Variants in AKAP19 observed in about 807,000 individuals in gnomAD.
AKAP19 encodes the protein A-kinase anchoring protein 19, also known as small A-kinase anchoring protein.
the AKAP19 span, among the ~76,000 whole-genome samples, chr2:190,183,223 G>T: frequency 6.6e-6 from 1 of 152,138 alleles, no homozygotes; most frequent in Non-Finnish European, 1.5e-5. Flanking sequence ...TTTCAGGGTG[G>T]TTGTTAAAAT....
the AKAP19 span, among the ~76,000 whole-genome samples, chr2:190,070,523 T>C: frequency 0.024 from 3,662 of 151,872 alleles, 160 homozygotes; most frequent in East Asian, 0.18. Context: ...AAGAACTACA[T>C]TACTTCTGCT....
the AKAP19 span, chr2:190,056,092 G>T: frequency 1.3e-5 from 2 of 152,384 alleles, no homozygotes; most frequent in African/African-American, 4.8e-5. Context: ...AATATAAAAT[G>T]ATTGTAATAT....
the AKAP19 span, among the ~76,000 whole-genome samples, chr2:189,981,674 G>A: frequency 6.6e-6 from 1 of 152,090 alleles, no homozygotes; most frequent in Non-Finnish European, 1.5e-5. Flanking sequence ...ACTATTTTTA[G>A]CATTTCTTGT....
chr2:190,002,708 T>G, the AKAP19 span, among the ~76,000 whole-genome samples: 1 of 152,188 alleles, frequency 6.6e-6, no homozygotes, highest in African/African-American at 2.4e-5. Flanking sequence ...CATGAATACC[T>G]AATGTTTACT....
At chr2:190,158,246 T>C in the AKAP19 span, among the ~76,000 whole-genome samples, 8 of 152,212 alleles carry the variant, frequency 5.3e-5, no homozygotes, top group Non-Finnish European at 1.0e-4. Flanking sequence ...AGCTTGCCAA[T>C]GCTCCCAGCT....
the AKAP19 span, among the ~76,000 whole-genome samples, chr2:190,168,547 G>A: frequency 6.6e-6 from 1 of 152,166 alleles, no homozygotes; most frequent in Non-Finnish European, 1.5e-5. Context: ...TTGTCAGGCT[G>A]CAAATTTTCT....
the AKAP19 span, among the ~76,000 whole-genome samples, chr2:190,040,645 A>G: frequency 6.6e-6 from 1 of 152,064 alleles, no homozygotes; most frequent in Admixed American, 6.5e-5. Flanking sequence ...CAGGGTTTTT[A>G]TAGTTTTGGG....
the AKAP19 span, among the ~76,000 whole-genome samples, chr2:190,153,090 T>A: frequency 7.9e-5 from 12 of 152,106 alleles, no homozygotes; most frequent in African/African-American, 2.9e-4. Flanking sequence ...AGAAACGGGG[T>A]TTCACCGTGT....
the AKAP19 span, chr2:190,180,836 G>A: frequency 3.1e-5 from 31 of 985,288 alleles, no homozygotes; most frequent in Non-Finnish European, 3.7e-5. This position sits in a 1 kb window ranked among gnomAD's most constrained non-coding sequence, Gnocchi z 6.8. Flanking sequence ...GGGAGCCCGG[G>A]CGCCGCCGAA....
At chr2:190,060,717 A>G in the AKAP19 span, among the ~76,000 whole-genome samples, 1 of 151,998 alleles carries the variant, frequency 6.6e-6, no homozygotes, top group African/African-American at 2.4e-5. Context: ...GAAGTAATGA[A>G]CGCTGAATGA....
At chr2:189,978,160 TG>T in the AKAP19 span, among the ~76,000 whole-genome samples, 2 of 152,232 alleles carry the variant, frequency 1.3e-5, no homozygotes, top group Admixed American at 6.5e-5. Context: ...GTGTAATGCT[TG>T]GGGTTTGGGC....
the AKAP19 span, among the ~76,000 whole-genome samples, chr2:190,178,440 G>A: frequency 5.3e-5 from 8 of 152,208 alleles, no homozygotes; most frequent in Non-Finnish European, 2.9e-5. The surrounding 1 kb of genome is among the most constrained non-coding windows in gnomAD (Gnocchi z 6.3). Context: ...CAGAAGGGTG[G>A]TGGTGCGGTC....
the AKAP19 span, among the ~76,000 whole-genome samples, chr2:189,935,586 A>T: frequency 8.5e-5 from 13 of 152,078 alleles, no homozygotes; most frequent in Non-Finnish European, 1.6e-4. Context: ...ATAGGAGATG[A>T]TTACAAACTT....
the AKAP19 span, among the ~76,000 whole-genome samples, chr2:189,911,669 T>A: frequency 6.6e-6 from 1 of 152,104 alleles, no homozygotes; most frequent in East Asian, 1.9e-4. Flanking sequence ...TTTTGGTTAT[T>A]AGAAACATCT....
the AKAP19 span, among the ~76,000 whole-genome samples, chr2:189,938,324 A>G: frequency 6.7e-5 from 10 of 150,356 alleles, no homozygotes; most frequent in African/African-American, 2.5e-4. Context: ...TGACAGAACG[A>G]GACTCCATCT....
chr2:189,975,790 G>A, the AKAP19 span, among the ~76,000 whole-genome samples: 1 of 152,178 alleles, frequency 6.6e-6, no homozygotes, highest in South Asian at 2.1e-4. Flanking sequence ...ACTGAAGCTT[G>A]TGCATTCGTC....
At chr2:190,200,657 C>T in the AKAP19 span, 1 of 170,744 alleles carries the variant, frequency 5.9e-6, no homozygotes, top group Non-Finnish European at 1.4e-5. Flanking sequence ...CAAATGAACC[C>T]TGTCTTTAAT....
At chr2:189,956,233 G>A in the AKAP19 span, among the ~76,000 whole-genome samples, 3 of 134,652 alleles carry the variant, frequency 2.2e-5, no homozygotes, top group East Asian at 4.3e-4. Context: ...GCAGTGGCGG[G>A]ATCTCGGCTC....
the AKAP19 span, among the ~76,000 whole-genome samples, chr2:190,075,160 T>C: frequency 6.6e-6 from 1 of 152,238 alleles, no homozygotes; most frequent in East Asian, 1.9e-4. Context: ...ACCATACTTA[T>C]TTAGAAGTAT....
Sources: gnomAD v4.1 joint callset for allele counts (sites outside exome capture counted in the v4.1 genomes callset) on GRCh38, gnomAD v4.1.1 for gene constraint, Gnocchi (gnomAD v3.1) non-coding constraint, MANE v1.5 for transcripts, NCBI Gene and HGNC (gene_info 2026-07-23, HGNC 2026-07-21) for gene names.